UBE2K: variants seen among roughly 807,000 people sequenced by gnomAD.
UBE2K encodes the protein ubiquitin-conjugating enzyme E2 K.
In UBE2K, 6 loss-of-function variants were observed where a neutral mutation model predicts 30.0. That is an observed-to-expected ratio of 0.20 (90% confidence interval 0.11 to 0.39). The LOEUF (loss-of-function observed/expected upper bound fraction) is 0.39, where lower values mean the gene tolerates loss of function less well. Ranked by LOEUF, UBE2K falls within the 10% of genes least tolerant of loss-of-function variation. The pLI is 1.00. For synonymous variants in UBE2K, 86 were observed against 83.7 expected (o/e 1.03, Z -0.15); for missense variants, 61 against 241.6 (o/e 0.25, Z 4.96).
chr4:39,770,512 G>A, intron 4 of UBE2K: 1 of 1,608,584 alleles, frequency 6.2e-7, no homozygotes, highest in Non-Finnish European at 8.5e-7. Flanking sequence ...AGGGGTCCCT[G>A]GCTGCCCCCC....
chr4:39,757,241 G>T (rs561150072), intron 4 of UBE2K, among the ~76,000 whole-genome samples: 2 of 152,084 alleles, frequency 1.3e-5, no homozygotes, highest in East Asian at 3.9e-4. Context: ...GGCCAGGCTG[G>T]TCTCAAACTC....
intron 5 of UBE2K, among the ~76,000 whole-genome samples, chr4:39,776,189 T>C (rs1302510413): frequency 2.0e-5 from 3 of 152,234 alleles, no homozygotes; most frequent in African/African-American, 4.8e-5. Flanking sequence ...TTCATATGGT[T>C]AACCACCCAA....
chr4:39,751,333 T>A (rs1721242040), intron 3 of UBE2K, among the ~76,000 whole-genome samples: 1 of 152,210 alleles, frequency 6.6e-6, no homozygotes, highest in Non-Finnish European at 1.5e-5. Flanking sequence ...TTTTTTCCTA[T>A]GTATCTACAG....
chr4:39,746,138 T>C (rs913083286), intron 3 of UBE2K, among the ~76,000 whole-genome samples: 4 of 152,156 alleles, frequency 2.6e-5, no homozygotes, highest in Non-Finnish European at 4.4e-5. Context: ...AGGTTCTTAC[T>C]TGACTCAAAG....
intron 4 of UBE2K, chr4:39,770,204 G>A: frequency 6.2e-7 from 1 of 1,610,868 alleles, no homozygotes; most frequent in Non-Finnish European, 8.5e-7. Context: ...GCATGTCGCA[G>A]TAGGAGCAGC....
At chr4:39,729,787 C>T (rs1323014625) in intron 1 of UBE2K, among the ~76,000 whole-genome samples, 7 of 152,184 alleles carry the variant, frequency 4.6e-5, no homozygotes, top group African/African-American at 1.7e-4. Flanking sequence ...GTCACATTGG[C>T]GGCATTTCAA....
intron 4 of UBE2K, chr4:39,770,943 C>T: frequency 1.3e-6 from 2 of 1,564,474 alleles, no homozygotes; most frequent in Non-Finnish European, 1.7e-6. Context: ...GGGGTGGGGG[C>T]TTCGGGGCTG....
At chr4:39,758,988 A>T (rs1440610848) in intron 4 of UBE2K, among the ~76,000 whole-genome samples, 1 of 152,182 alleles carries the variant, frequency 6.6e-6, no homozygotes, top group African/African-American at 2.4e-5. Context: ...ACATTAGATA[A>T]AATAGGTGAG....
chr4:39,743,586 A>T (rs1720823106), intron 2 of UBE2K, among the ~76,000 whole-genome samples: 2 of 150,596 alleles, frequency 1.3e-5, no homozygotes, highest in African/African-American at 4.9e-5. Context: ...CCTGGGCGAC[A>T]GAGCGAGACT....
intron 4 of UBE2K, among the ~76,000 whole-genome samples, chr4:39,758,807 T>G (rs1711670574): frequency 1.3e-5 from 2 of 152,194 alleles, no homozygotes; most frequent in Admixed American, 6.5e-5. Context: ...GTTGAAAGAT[T>G]ATGGTGTGTA....
At chr4:39,731,050 A>G (rs1027507613) in intron 1 of UBE2K, among the ~76,000 whole-genome samples, 3 of 151,844 alleles carry the variant, frequency 2.0e-5, no homozygotes, top group Non-Finnish European at 4.4e-5. Context: ...CAGTGGCACG[A>G]TCTCAACTCA....
intron 1 of UBE2K, among the ~76,000 whole-genome samples, chr4:39,720,502 T>C (rs944077407): frequency 6.6e-6 from 1 of 152,154 alleles, no homozygotes; most frequent in Non-Finnish European, 1.5e-5. Flanking sequence ...TGGAATAAAT[T>C]ATGGCTCAGT....
Position 39,770,463 on chromosome 4 carries a change from A to G in UBE2K, c.300-4371A>G, listed in dbSNP as rs930576538. The G allele has an allele frequency of 1.4e-5, 23 of 1,611,316 alleles. No individual in the cohort carries two copies. In the African/African-American group the frequency reaches 2.4e-4, roughly 17 times the overall value. ...CACTTCCGGGCACTTGGTGCACTTG[A>G]TGTTCTTTAAGGGGTTTCCACCTGA... On this transcript the variant is annotated intron_variant, in intron 4 of 6. Coordinates refer to ENST00000261427, the MANE Select transcript of UBE2K (RefSeq NM_005339.5).
chr4:39,768,587 G>A (rs372571901), intron 4 of UBE2K, among the ~76,000 whole-genome samples: 234 of 152,130 alleles, frequency 1.5e-3, no homozygotes, highest in African/African-American at 4.6e-3. Flanking sequence ...TCACCATCTT[G>A]CCCAGGCTGG....
intron 1 of UBE2K, among the ~76,000 whole-genome samples, chr4:39,731,709 C>A (rs1455988006): frequency 2.0e-5 from 3 of 151,924 alleles, no homozygotes; most frequent in East Asian, 3.9e-4. Context: ...GAGTGTATTT[C>A]TTAGGCCTTT....
intron 4 of UBE2K, among the ~76,000 whole-genome samples, chr4:39,764,541 G>A (rs936056752): frequency 6.6e-6 from 1 of 151,658 alleles, no homozygotes; most frequent in South Asian, 2.1e-4. Context: ...GACCTTCCAG[G>A]CCCCAAGCAT....
chr4:39,778,097 CAAAAAAAAAAAAA>C (rs36215155), intron 6 of UBE2K, among the ~76,000 whole-genome samples: 4 of 51,736 alleles, frequency 7.7e-5, no homozygotes, highest in Admixed American at 6.0e-4. Context: ...GACCCTGTCT[CAAAAAAAAAAAAA>C]AAAAAAAAAA....
intron 2 of UBE2K, among the ~76,000 whole-genome samples, chr4:39,739,509 C>T (rs371359741): frequency 3.3e-4 from 44 of 133,366 alleles, no homozygotes; most frequent in African/African-American, 1.1e-3. Context: ...TGCAGTGGTA[C>T]GATCTTGGCT....
At chr4:39,715,673 C>T (rs1246398097) in intron 1 of UBE2K, among the ~76,000 whole-genome samples, 1 of 151,974 alleles carries the variant, frequency 6.6e-6, no homozygotes, top group Non-Finnish European at 1.5e-5. Flanking sequence ...TCCTTTTTGT[C>T]TTACAGAAGT....
Sources: allele counts gnomAD v4.1 joint callset (sites outside exome capture counted in the v4.1 genomes callset), GRCh38; gene constraint gnomAD v4.1.1; transcripts MANE v1.5; gene names NCBI Gene and HGNC (gene_info 2026-07-23, HGNC 2026-07-21).